The following PXDNL variants were observed in gnomAD, a reference collection of about 807,000 sequenced individuals.
The protein encoded by PXDNL is peroxidasin like.
In PXDNL, 145 loss-of-function variants were observed where a neutral mutation model predicts 150.8. The observed-to-expected ratio is 0.96, with a 90% CI of 0.84 to 1.10. The LOEUF is 1.10. Ranked by LOEUF, PXDNL falls within the 50% of genes least tolerant of loss-of-function variation. The probability of loss-of-function intolerance (pLI) is 0.00; values close to 1 mark genes in which losing one functional copy is unlikely to be tolerated. For synonymous variants in PXDNL, 757 were observed against 725.7 expected, an observed-to-expected ratio of 1.04 and a Z score of -0.69; for missense variants, 2,087 against 1,873.9, an observed-to-expected ratio of 1.11 and a Z score of -2.10.
intron 1 of PXDNL, among the ~76,000 whole-genome samples, chr8:51,760,911 T>G (rs545306239): frequency 1.6e-4 from 20 of 125,598 alleles, no homozygotes; most frequent in Non-Finnish European, 1.6e-5. Flanking sequence ...CAGGCTGGAG[T>G]GCAGTGGCGC....
At chr8:51,337,461 A>T (rs185941463) in intron 21 of PXDNL, among the ~76,000 whole-genome samples, 2 of 152,356 alleles carry the variant, frequency 1.3e-5, no homozygotes, top group East Asian at 3.9e-4. Flanking sequence ...TTAACTCACG[A>T]GGATGAAATA....
intron 3 of PXDNL, among the ~76,000 whole-genome samples, chr8:51,573,246 C>T (rs886118739): frequency 4.0e-5 from 6 of 151,898 alleles, no homozygotes; most frequent in Non-Finnish European, 5.9e-5. Flanking sequence ...ACCCAACACC[C>T]CCATAGCTGT....
In PXDNL at chr8:51,520,002, G is replaced by A. The variant is rs954668021; in HGVS notation, c.381-20232C>T. ...TGCAACAGTCTAGGGGGAACAACAA[G>A]GTGGGAATTTGGAGGAGTTGCTGGC... is the stretch of plus-strand genomic sequence containing the variant. On this transcript the variant is annotated intron_variant, in intron 4 of 22. Transcript: ENST00000356297. Among the ~76,000 whole-genome samples the A allele has an allele frequency of 3.3e-5, 5 of 152,170 alleles. No individual in the cohort carries two copies. In the South Asian group the frequency reaches 1.0e-3, roughly 32 times the overall value.
At chr8:51,579,986 A>C (rs9650177) in intron 3 of PXDNL, among the ~76,000 whole-genome samples, 71,591 of 150,812 alleles carry the variant, frequency 0.47, 21,264 homozygotes, top group African/African-American at 0.84. Flanking sequence ...GCACATGTAC[A>C]CTAAAACTTA....
At chr8:51,619,096 C>A (rs763641028) in intron 2 of PXDNL, among the ~76,000 whole-genome samples, 1 of 152,164 alleles carries the variant, frequency 6.6e-6, no homozygotes, top group Non-Finnish European at 1.5e-5. Context: ...CTGACCTGCT[C>A]TTCTGTCTCT....
intron 11 of PXDNL, among the ~76,000 whole-genome samples, chr8:51,448,475 C>T: frequency 6.6e-6 from 1 of 152,066 alleles, no homozygotes. Context: ...GAGGCCGAGG[C>T]GGGCGGATCA....
At chr8:51,664,250 C>A (rs968788688) in intron 1 of PXDNL, among the ~76,000 whole-genome samples, 3 of 152,070 alleles carry the variant, frequency 2.0e-5, no homozygotes, top group Non-Finnish European at 4.4e-5. Flanking sequence ...ATGTCTTTCA[C>A]TTGGAAACAA....
At chr8:51,801,114 T>TA (rs2037614405) in intron 1 of PXDNL, among the ~76,000 whole-genome samples, 1 of 152,126 alleles carries the variant, frequency 6.6e-6, no homozygotes, top group African/African-American at 2.4e-5. Flanking sequence ...CAAGGAATAT[T>TA]AAATATTAAG....
intron 1 of PXDNL, among the ~76,000 whole-genome samples, chr8:51,769,197 T>C (rs1308783840): frequency 6.6e-6 from 1 of 152,230 alleles, no homozygotes; most frequent in Non-Finnish European, 1.5e-5. Flanking sequence ...TTATTAATGG[T>C]TTACTATGTG....
intron 1 of PXDNL, among the ~76,000 whole-genome samples, chr8:51,782,409 TCTC>T (rs2037424020): frequency 6.6e-6 from 1 of 152,070 alleles, no homozygotes; most frequent in South Asian, 2.1e-4. Flanking sequence ...GATAAATGCT[TCTC>T]CTATCAGTTC....
chr8:51,469,342 A>G (rs1810273046), intron 8 of PXDNL, among the ~76,000 whole-genome samples: 1 of 152,092 alleles, frequency 6.6e-6, no homozygotes, highest in African/African-American at 2.4e-5. Flanking sequence ...AAGCAATATA[A>G]TTCTCATTCT....
intron 2 of PXDNL, among the ~76,000 whole-genome samples, chr8:51,644,253 C>T (rs565381721): frequency 1.4e-5 from 2 of 142,046 alleles, no homozygotes; most frequent in African/African-American, 5.0e-5. Flanking sequence ...GACAGTTATG[C>T]CAGTCTCTAA....
At chr8:51,474,903 A>G in intron 7 of PXDNL, 69 bp downstream of exon 7, 1 of 1,322,128 alleles carries the variant, frequency 7.6e-7, no homozygotes. Flanking sequence ...ATATTATATA[A>G]TAAACCTTTA....
intron 1 of PXDNL, among the ~76,000 whole-genome samples, chr8:51,681,282 A>G (rs997132994): frequency 2.0e-5 from 3 of 151,986 alleles, no homozygotes; most frequent in African/African-American, 7.2e-5. Context: ...GGAAGTCCCC[A>G]TAAGAGAACT....
At chr8:51,628,337 A>ATTTC (rs58261998) in intron 2 of PXDNL, among the ~76,000 whole-genome samples, 10,357 of 111,346 alleles carry the variant, frequency 0.093, 628 homozygotes, top group African/African-American at 0.19. Flanking sequence ...CTTCTTCTTT[A>ATTTC]TTTCTTTCTT....
At chr8:51,427,041 C>T (rs4242466) in intron 12 of PXDNL, among the ~76,000 whole-genome samples, 147,269 of 152,292 alleles carry the variant, frequency 0.97, 71,435 homozygotes, top group East Asian at 1. Context: ...GGGTACAGGA[C>T]TTTCATTATT....
chr8:51,559,729 A>G (rs1480869679), intron 3 of PXDNL, among the ~76,000 whole-genome samples: 2 of 151,966 alleles, frequency 1.3e-5, no homozygotes, highest in Non-Finnish European at 2.9e-5. Context: ...AGGAAATTAG[A>G]ACCCTGGCTC....
At position 51,323,384 on chromosome 8, in the gene PXDNL, A is replaced by G. The variant is rs182659443; in HGVS notation, c.4147-2487T>C. Among the ~76,000 whole-genome samples, 386 of 152,092 alleles carry G rather than the reference A, an allele frequency of 2.5e-3. 6 individuals are homozygous for G. The highest frequency in any genetic ancestry group is 8.7e-3 in the African/African-American group (360 of 41,494). On this transcript the variant is annotated intron_variant, in intron 21 of 22. Transcript: ENST00000356297. ...ATCCTCAACCTCCTGGGCTTAAGTG[A>G]TCATCCCTCCTCAGCCTCCCAGGTA...
rs568539538 is a variant in PXDNL, at chr8:51,482,015, G to A, written c.524+1628C>T. Among the ~76,000 whole-genome samples the A allele has an allele frequency of 1.6e-3, 248 of 152,306 alleles. 3 individuals carry two copies. Among genetic ancestry groups the A allele is most frequent in the African/African-American group, 5.7e-3 (236 of 41,564 alleles). On this transcript the variant is annotated intron_variant, in intron 6 of 22. Transcript: ENST00000356297. ...CTGCCTAGTGGAGCTGTGAGAAGAAGGCCAACGTCCTCCAGATCCCGGAAT... is the reference window on the plus strand; with the variant it reads ...CTGCCTAGTGGAGCTGTGAGAAGAAAGCCAACGTCCTCCAGATCCCGGAAT...
Sources: allele counts gnomAD v4.1 joint callset (sites outside exome capture counted in the v4.1 genomes callset), GRCh38; gene constraint gnomAD v4.1.1; transcripts MANE v1.5; gene names NCBI Gene and HGNC (gene_info 2026-07-23, HGNC 2026-07-21).